The following KCNIP3 variants were observed in gnomAD, a reference collection of about 807,000 sequenced individuals.
The protein encoded by KCNIP3 is calsenilin.
In KCNIP3, 28 loss-of-function variants were observed where a neutral mutation model predicts 35.0. The ratio of observed to expected loss-of-function variants is 0.80; its 90% CI spans 0.59 to 1.10. KCNIP3 has a LOEUF of 1.10. KCNIP3 is among the 50% of genes least tolerant of loss of function. The pLI, the probability that KCNIP3 is intolerant of heterozygous loss-of-function variation, is 0.00. For missense variants in KCNIP3, 295 were observed against 338.4 expected, an observed-to-expected ratio of 0.87 and a Z score of 1.01; for synonymous variants, 134 against 133.8, an observed-to-expected ratio of 1.00 and a Z score of -0.01.
chr2:95,315,303 G>A (rs969676642), intron 2 of KCNIP3, among the ~76,000 whole-genome samples: 27 of 152,180 alleles, frequency 1.8e-4, no homozygotes, highest in Non-Finnish European at 3.4e-4. Context: ...TCGGCCCAGG[G>A]AGAAGTTCTT....
chr2:95,384,019 C>T lies in KCNIP3; in HGVS notation c.741C>T (p.Ser247=). 1 of 1,614,010 alleles carries T rather than the reference C, an allele frequency of 6.2e-7. No individual in the cohort carries two copies. Among genetic ancestry groups the T allele is most frequent in the Non-Finnish European group, 8.5e-7 (1 of 1,179,992 alleles). ...CCATGCAGGATGAGAACATCATGAG[C>T]TCCATGCAGCTGTTTGAGAATGTCA... is the stretch of plus-strand genomic sequence containing the variant. ...EACQKDENIM[S]SMQLFENVI Residue 247 remains serine, a synonymous_variant, in exon 9 of 9, where the codon AGC becomes AGT. Transcript: ENST00000295225.
At chr2:95,309,257 C>T (rs1451107531) in intron 1 of KCNIP3, among the ~76,000 whole-genome samples, 1 of 152,128 alleles carries the variant, frequency 6.6e-6, no homozygotes, top group Non-Finnish European at 1.5e-5. Context: ...TCCTCTGTGC[C>T]TCATGGGCCA....
chr2:95,340,311 G>A lies in KCNIP3; in HGVS notation c.181+29791G>A, dbSNP rs375676847. Reference sequence around the variant, plus strand: ...AGATGGTGCCATTGCACTCCAGCTTGGGCAAAAAGGGTGAAACTCCATCTC... The same window carrying A: ...AGATGGTGCCATTGCACTCCAGCTTAGGCAAAAAGGGTGAAACTCCATCTC... On this transcript the variant is annotated intron_variant, in intron 2 of 8. Transcript: ENST00000295225. Among the ~76,000 whole-genome samples, 239 of 151,390 alleles carry A rather than the reference G, an allele frequency of 1.6e-3. 1 individual carries two copies. Among genetic ancestry groups the A allele is most frequent in the South Asian group, 3.4e-3 (16 of 4,768 alleles).
In KCNIP3 at chr2:95,382,362, A is replaced by T; in HGVS notation, c.556-15A>T. Reference sequence around the variant, plus strand: ...CCCGGCCTTGCAGCAGGCTCATGCCAGCCTCCCCCTCCAGGAGATGCTGGC... The same window carrying T: ...CCCGGCCTTGCAGCAGGCTCATGCCTGCCTCCCCCTCCAGGAGATGCTGGC... On this transcript the variant is annotated splice_polypyrimidine_tract_variant and intron_variant, in intron 6 of 8. Transcript: ENST00000295225. The surrounding 1 kb of genome is among the most constrained non-coding windows in gnomAD (Gnocchi z 4.5). 6.4e-7 allele frequency: 1 copy of T among 1,552,362 alleles called. No individual in the cohort carries two copies. Among genetic ancestry groups the T allele is most frequent in the Non-Finnish European group, 8.7e-7 (1 of 1,146,876 alleles).
At chr2:95,308,261 G>A (rs1279438197) in intron 1 of KCNIP3, among the ~76,000 whole-genome samples, 2 of 152,186 alleles carry the variant, frequency 1.3e-5, no homozygotes, top group Non-Finnish European at 2.9e-5. Context: ...GCAGCTCTGG[G>A]CACCACTGAG....
chr2:95,300,086 G>A (rs187931635), intron 1 of KCNIP3, among the ~76,000 whole-genome samples: 16 of 152,208 alleles, frequency 1.1e-4, no homozygotes, highest in South Asian at 8.3e-4. Context: ...TGGGGGTTGC[G>A]GAAGAAGACG....
At chr2:95,310,112 C>T (rs1397762144) in intron 1 of KCNIP3, 7 of 646,220 alleles carry the variant, frequency 1.1e-5, no homozygotes, top group South Asian at 6.1e-5. Flanking sequence ...CCTCTCTGCA[C>T]CCCTGTCTGC....
rs1678954417 is a variant in KCNIP3 at position 95,332,410 on chromosome 2, T to C, written c.181+21890T>C. On this transcript the variant is annotated intron_variant, in intron 2 of 8. Transcript: ENST00000295225. ...GGGTGGATGACCTGAGGTCAGGAGT[T>C]CAAGACCAGCCTGGCCAACATGGCG... Among the ~76,000 whole-genome samples, 3 of 152,240 alleles carry C rather than the reference T, an allele frequency of 2.0e-5. No homozygotes were observed. In the South Asian group the frequency reaches 6.2e-4, roughly 31 times the overall value.
chr2:95,333,188 G>T (rs548398339), intron 2 of KCNIP3, among the ~76,000 whole-genome samples: 1 of 152,190 alleles, frequency 6.6e-6, no homozygotes, highest in Admixed American at 6.5e-5. Flanking sequence ...ATAAATCCCC[G>T]GCCACAGACT....
chr2:95,380,128 A>G (rs1410409098), intron 5 of KCNIP3, among the ~76,000 whole-genome samples: 1 of 152,024 alleles, frequency 6.6e-6, no homozygotes, highest in African/African-American at 2.4e-5. Context: ...ATTCCACTTC[A>G]TGGAAGATTC....
chr2:95,359,117 C>A (rs1415656695), intron 2 of KCNIP3, among the ~76,000 whole-genome samples: 1 of 152,160 alleles, frequency 6.6e-6, no homozygotes, highest in Non-Finnish European at 1.5e-5. Flanking sequence ...TCATGTCCTT[C>A]TCACATACAA....
intron 2 of KCNIP3, among the ~76,000 whole-genome samples, chr2:95,361,634 GCTGGGGC>G (rs1481302649): frequency 6.6e-6 from 1 of 152,204 alleles, no homozygotes; most frequent in Non-Finnish European, 1.5e-5. Flanking sequence ...ATCAGGGAAT[GCTGGGGC>G]CTGGGACAAT....
chr2:95,319,721 A>G (rs930815173), intron 2 of KCNIP3, among the ~76,000 whole-genome samples: 9 of 152,192 alleles, frequency 5.9e-5, no homozygotes, highest in African/African-American at 1.9e-4. Context: ...AAGAGTCCGT[A>G]TCGTCTGGAG....
chr2:95,374,180 G>A, intron 2 of KCNIP3, 116 bp from the exon 3 acceptor site: 1 of 1,297,078 alleles, frequency 7.7e-7, no homozygotes, highest in Non-Finnish European at 1.1e-6. Context: ...GTCCATGGTA[G>A]TCATGCAAAG....
intron 1 of KCNIP3, among the ~76,000 whole-genome samples, chr2:95,300,525 C>T (rs1311916808): frequency 7.9e-5 from 12 of 152,206 alleles, no homozygotes; most frequent in African/African-American, 2.9e-4. Flanking sequence ...GAGAAGTTAG[C>T]ACGTCTTTCT....
At chr2:95,364,557 G>C (rs60746990) in intron 2 of KCNIP3, among the ~76,000 whole-genome samples, 1 of 152,116 alleles carries the variant, frequency 6.6e-6, no homozygotes. Context: ...TCACGGGCGC[G>C]GATCCCTCCT....
At chr2:95,338,879 T>A (rs1447008162) in intron 2 of KCNIP3, among the ~76,000 whole-genome samples, 3 of 152,178 alleles carry the variant, frequency 2.0e-5, no homozygotes, top group Non-Finnish European at 2.9e-5. Context: ...CAGGTATTCT[T>A]GAGTTTGAGG....
chr2:95,337,153 C>T (rs146456472), intron 2 of KCNIP3, among the ~76,000 whole-genome samples: 3 of 152,218 alleles, frequency 2.0e-5, no homozygotes, highest in East Asian at 1.9e-4. Flanking sequence ...CCAGTGTGAC[C>T]GCCAGTGCTA....
At chr2:95,308,674 G>T (rs1024152681) in intron 1 of KCNIP3, among the ~76,000 whole-genome samples, 2 of 152,188 alleles carry the variant, frequency 1.3e-5, no homozygotes, top group Admixed American at 1.3e-4. Flanking sequence ...CATGGCCAGG[G>T]CTGGTGTCCG....
Sources: gnomAD v4.1 joint callset for allele counts (sites outside exome capture counted in the v4.1 genomes callset) on GRCh38, gnomAD v4.1.1 for gene constraint, Gnocchi (gnomAD v3.1) non-coding constraint, MANE v1.5 for transcripts, NCBI Gene and HGNC (gene_info 2026-07-23, HGNC 2026-07-21) for gene names.